The following CFH variants were observed in gnomAD, a reference collection of about 807,000 sequenced individuals.
CFH encodes H factor 1 (complement).
In CFH, 53 loss-of-function variants were observed where a neutral mutation model predicts 147.3. The observed-to-expected ratio is 0.36, with a 90% CI of 0.29 to 0.45. The LOEUF is 0.45. Ranked by LOEUF, CFH falls within the 20% of genes least tolerant of loss-of-function variation. CFH has a pLI of 1.00. For missense variants in CFH, 1,380 were observed against 1,498.0 expected (o/e 0.92, Z 1.30); for synonymous variants, 536 against 489.4 (o/e 1.10, Z -1.26).
intron 14 of CFH, 107 bp from the exon 15 acceptor site, chr1:196,728,239 G>A: frequency 1.2e-6 from 1 of 801,770 alleles, no homozygotes; most frequent in Non-Finnish European, 1.8e-6. Context: ...TAATGATTAA[G>A]TCATAATTTT....
At chr1:196,665,655 T>C (rs1667057343) in intron 1 of CFH, among the ~76,000 whole-genome samples, 1 of 152,158 alleles carries the variant, frequency 6.6e-6, no homozygotes, top group Non-Finnish European at 1.5e-5. Context: ...TTGCCCAGGC[T>C]GGAGTGCAAT....
chr1:196,728,476 C>A lies in CFH; in HGVS notation c.2367C>A (p.His789Gln). 6.2e-7 allele frequency: 1 copy of A among 1,612,926 alleles called. No individual in the cohort carries two copies. The highest frequency in any genetic ancestry group is 8.5e-7 in the Non-Finnish European group (1 of 1,179,200). Residue 789 changes from histidine (H) to glutamine (Q), a missense_variant, in exon 15 of 22, where the codon CAC becomes CAA. His to Gln is a conservative substitution (Grantham distance 24). This residue lies in a region of CFH where 830 missense variants were observed against 821.4 expected (regional missense o/e 1.01). Transcript: ENST00000367429. ...YRCRGKEGWIHTVCINGRWDP... is the reference protein window; with the variant it reads ...YRCRGKEGWIQTVCINGRWDP... The stretch of plus-strand genomic sequence containing the variant: ...GTAGAGGAAAAGAAGGATGGATACA[C>A]ACAGTCTGCATAAATGGAAGATGGG...
At chr1:196,737,449 C>T (rs745744580) in intron 16 of CFH, 26 bp from the exon 17 acceptor site, 3 of 1,520,674 alleles carry the variant, frequency 2.0e-6, no homozygotes, top group Non-Finnish European at 2.7e-6. Context: ...TTGTTTTTAA[C>T]CCTTTGATTT....
intron 6 of CFH, 25 bp from the exon 7 acceptor site, chr1:196,685,039 A>G: frequency 1.3e-6 from 2 of 1,521,924 alleles, no homozygotes; most frequent in Non-Finnish European, 1.8e-6. Context: ...TTTCTGCATT[A>G]TCCATATATC....
rs1167764106 is a variant in CFH, at chr1:196,673,919, G to A, written c.307G>A (p.Val103Met). 4 of 1,613,424 alleles carry A rather than the reference G, an allele frequency of 2.5e-6. No individual in the cohort carries two copies. The highest frequency in any genetic ancestry group is 1.1e-5 in the South Asian group (1 of 91,070). The change falls in exon 3 of 22, where the codon GTG (valine) becomes ATG (methionine). Residue 103 changes from valine (V) to methionine (M), a missense_variant. Around this residue, in one of 4 missense-constraint regions of CFH, gnomAD observed 260 missense variants for 263.3 expected, o/e 0.99. Transcript: ENST00000367429. ...FGTFTLTGGN[V>M]FEYGVKAVYT... ...TACTTTTACCCTTACAGGAGGAAAT[G>A]TGTTTGAATATGGTGTAAAAGCTGT... is the stretch of plus-strand genomic sequence containing the variant.
At chr1:196,691,181 C>T (rs1473889022) in intron 9 of CFH, among the ~76,000 whole-genome samples, 2 of 151,832 alleles carry the variant, frequency 1.3e-5, no homozygotes, top group East Asian at 1.9e-4. Flanking sequence ...TGGAATCAAT[C>T]ATTTGACTCA....
chr1:196,736,964 A>T lies in CFH; in HGVS notation c.2554A>T (p.Thr852Ser). The part of the protein sequence containing the change: ...NYLIQEGEEI[T>S]CKDGRWQSIP... ...TCTAATTCAGGAAGGAGAAGAAATT[A>T]CATGCAAAGATGGAAGATGGCAGTC... The change falls in exon 16 of 22, where the codon ACA becomes TCA. Residue 852 changes from threonine to serine, a missense_variant. Physicochemically the swap from Thr to Ser is moderately conservative, Grantham distance 58. This residue lies in a region of CFH where 830 missense variants were observed against 821.4 expected (regional missense o/e 1.01). Coordinates refer to ENST00000367429, the MANE Select transcript of CFH (RefSeq NM_000186.4). The T allele has an allele frequency of 6.2e-7, 1 of 1,611,926 alleles. No individual in the cohort carries two copies. The highest frequency in any genetic ancestry group is 2.2e-5 in the East Asian group (1 of 44,668).
At chr1:196,669,597 A>G (rs1483216188) in intron 1 of CFH, among the ~76,000 whole-genome samples, 1 of 152,204 alleles carries the variant, frequency 6.6e-6, no homozygotes, top group Non-Finnish European at 1.5e-5. Context: ...GGCAGCTTCC[A>G]CATGGTGTTG....
intron 6 of CFH, among the ~76,000 whole-genome samples, chr1:196,684,008 A>T (rs762031440): frequency 7.2e-5 from 11 of 151,982 alleles, no homozygotes; most frequent in Non-Finnish European, 1.3e-4. Context: ...AGAAGTGGTC[A>T]TATAGTTTTT....
At chr1:196,719,666 A>G (rs1477831123) in intron 11 of CFH, among the ~76,000 whole-genome samples, 2 of 151,924 alleles carry the variant, frequency 1.3e-5, no homozygotes, top group East Asian at 3.9e-4. Context: ...TAAGAAAAAT[A>G]ATATTTTGGA....
At chr1:196,666,711 C>T (rs1667105632) in intron 1 of CFH, among the ~76,000 whole-genome samples, 1 of 146,910 alleles carries the variant, frequency 6.8e-6, no homozygotes, top group African/African-American at 2.5e-5. Flanking sequence ...ACTCAGATGG[C>T]TGAGGCAGGA....
chr1:196,686,828 A>T (rs139545890), intron 7 of CFH, among the ~76,000 whole-genome samples: 2 of 152,274 alleles, frequency 1.3e-5, no homozygotes, highest in Non-Finnish European at 2.9e-5. Context: ...GTTCTCATGG[A>T]CAAGATAGAG....
At chr1:196,661,651 A>G (rs909415292) in intron 1 of CFH, among the ~76,000 whole-genome samples, 2 of 152,150 alleles carry the variant, frequency 1.3e-5, no homozygotes, top group Non-Finnish European at 2.9e-5. Context: ...CCCACCTCCT[A>G]ATACTATCAC....
intron 9 of CFH, among the ~76,000 whole-genome samples, chr1:196,709,267 C>T (rs1009888541): frequency 3.9e-5 from 6 of 152,100 alleles, no homozygotes; most frequent in African/African-American, 1.4e-4. Flanking sequence ...GAAGTTCAAG[C>T]TCACAATTCT....
Position 196,715,662 on chromosome 1 carries a change from A to G in CFH, c.1589A>G (p.Asp530Gly). 1 of 1,612,720 alleles carries G rather than the reference A, an allele frequency of 6.2e-7. No homozygotes were observed. The highest frequency in any genetic ancestry group is 2.2e-5 in the East Asian group (1 of 44,750). ...KNDFTWFKLN[D>G]TLDYECHDGY... ...GACTTCACATGGTTTAAGCTGAATG[A>G]CACATTGGACTATGAATGCCATGAT... The change falls in exon 11 of 22, where the codon GAC becomes GGC. Residue 530 changes from aspartate (D) to glycine (G), a missense_variant. Around this residue, in one of 4 missense-constraint regions of CFH, gnomAD observed 830 missense variants for 821.4 expected, o/e 1.01. Transcript: ENST00000367429.
chr1:196,728,941 TTAATC>T (rs1449776951), intron 15 of CFH, among the ~76,000 whole-genome samples: 10 of 146,602 alleles, frequency 6.8e-5, no homozygotes, highest in African/African-American at 2.2e-4. Flanking sequence ...ATTCATTTAT[TTAATC>T]TATCTCTCTG....
At chr1:196,703,982 C>CTAA (rs1668524517) in intron 9 of CFH, among the ~76,000 whole-genome samples, 1 of 60,596 alleles carries the variant, frequency 1.7e-5, no homozygotes, top group African/African-American at 6.8e-5. Flanking sequence ...AAGACTCTGT[C>CTAA]AAAAAAAAAA....
chr1:196,743,429 C>G, intron 19 of CFH, 23 bp from the exon 20 acceptor site: 1 of 1,613,804 alleles, frequency 6.2e-7, no homozygotes, highest in East Asian at 2.2e-5. Context: ...CTAGGTGGAA[C>G]CACTTCTTTT....
intron 1 of CFH, among the ~76,000 whole-genome samples, chr1:196,662,124 G>A (rs1038864642): frequency 5.3e-5 from 8 of 152,168 alleles, no homozygotes; most frequent in Non-Finnish European, 1.2e-4. Flanking sequence ...TACCTAGAAT[G>A]ATCAGCTTGT....
Sources: allele counts gnomAD v4.1 joint callset (sites outside exome capture counted in the v4.1 genomes callset), GRCh38; gene constraint gnomAD v4.1.1; regional missense constraint gnomAD v4.1.1; transcripts MANE v1.5; gene names NCBI Gene and HGNC (gene_info 2026-07-23, HGNC 2026-07-21).